Variants in EXOC4 observed in about 807,000 individuals in gnomAD.
EXOC4 encodes SEC8-like 1.
A neutral mutation model predicts 107.2 loss-of-function variants in EXOC4; 71 were observed. The ratio of observed to expected loss-of-function variants is 0.66; its 90% CI spans 0.55 to 0.81. The LOEUF (loss-of-function observed/expected upper bound fraction) is 0.81, where lower values mean the gene tolerates loss of function less well. Ranked by LOEUF, EXOC4 falls within the 30% of genes least tolerant of loss-of-function variation. EXOC4 has a pLI of 0.00. For synonymous variants in EXOC4, 456 were observed against 441.2 expected, an observed-to-expected ratio of 1.03 and a Z score of -0.42; for missense variants, 1,108 against 1,189.6, an observed-to-expected ratio of 0.93 and a Z score of 1.01.
chr7:133,319,461 C>T (rs971787754), intron 5 of EXOC4, among the ~76,000 whole-genome samples: 2 of 152,094 alleles, frequency 1.3e-5, no homozygotes, highest in Admixed American at 6.6e-5. Flanking sequence ...ATGGAGACTG[C>T]TTGTAGAGAT....
intron 9 of EXOC4, among the ~76,000 whole-genome samples, chr7:133,539,970 A>G (rs1348622302): frequency 6.6e-6 from 1 of 152,148 alleles, no homozygotes; most frequent in Non-Finnish European, 1.5e-5. Flanking sequence ...GAAATCTCAC[A>G]ATCCCTTCTT....
chr7:133,760,868 T>G (rs1417206893), intron 10 of EXOC4, among the ~76,000 whole-genome samples: 1 of 152,206 alleles, frequency 6.6e-6, no homozygotes, highest in Non-Finnish European at 1.5e-5. Flanking sequence ...AATGCTCTTA[T>G]TTCAAGCAAT....
chr7:133,348,752 A>G (rs1297408071), intron 5 of EXOC4, among the ~76,000 whole-genome samples: 1 of 152,178 alleles, frequency 6.6e-6, no homozygotes, highest in Admixed American at 6.5e-5. Flanking sequence ...TTCCTGAAGT[A>G]TCTAGCTTCT....
intron 9 of EXOC4, among the ~76,000 whole-genome samples, chr7:133,553,916 G>A (rs1199577355): frequency 6.6e-6 from 1 of 152,076 alleles, no homozygotes; most frequent in Non-Finnish European, 1.5e-5. Context: ...GTACTTTACC[G>A]ATCAGGGGAT....
At chr7:133,714,503 AT>A (rs1232873913) in intron 10 of EXOC4, among the ~76,000 whole-genome samples, 1 of 152,208 alleles carries the variant, frequency 6.6e-6, no homozygotes, top group East Asian at 1.9e-4. Flanking sequence ...TGTCTTTTCC[AT>A]TCATATTATA....
chr7:133,679,286 TC>T (rs1250532611), intron 10 of EXOC4, among the ~76,000 whole-genome samples: 1 of 152,248 alleles, frequency 6.6e-6, no homozygotes, highest in Non-Finnish European at 1.5e-5. Context: ...GGCCTTTTTT[TC>T]CCTTTCGCTA....
intron 6 of EXOC4, among the ~76,000 whole-genome samples, chr7:133,372,690 G>A (rs1796404365): frequency 6.6e-6 from 1 of 152,130 alleles, no homozygotes; most frequent in South Asian, 2.1e-4. Flanking sequence ...CCACTTTTCT[G>A]TTAAAACTTT....
chr7:133,568,958 T>A (rs192797671), intron 9 of EXOC4, among the ~76,000 whole-genome samples: 94 of 152,278 alleles, frequency 6.2e-4, no homozygotes, highest in Non-Finnish European at 1.1e-3. Context: ...GATTCACGTT[T>A]GTTAAGACTG....
chr7:133,466,469 C>T (rs557347825), intron 7 of EXOC4, among the ~76,000 whole-genome samples: 72 of 152,194 alleles, frequency 4.7e-4, no homozygotes, highest in African/African-American at 1.6e-3. Context: ...ATGAAACAGA[C>T]CAATTTCTAC....
At chr7:133,499,210 T>A (rs1252773756) in intron 9 of EXOC4, among the ~76,000 whole-genome samples, 1 of 152,150 alleles carries the variant, frequency 6.6e-6, no homozygotes, top group African/African-American at 2.4e-5. Flanking sequence ...GTAATTTAAT[T>A]ATTTGCTGTT....
At chr7:133,459,509 G>A (rs2150822023) in intron 7 of EXOC4, among the ~76,000 whole-genome samples, 1 of 152,332 alleles carries the variant, frequency 6.6e-6, no homozygotes, top group Non-Finnish European at 1.5e-5. Context: ...AGGCATGTGA[G>A]CTGTTCAGCC....
chr7:133,286,222 T>C (rs1794273800), intron 2 of EXOC4, among the ~76,000 whole-genome samples: 1 of 152,202 alleles, frequency 6.6e-6, no homozygotes, highest in Admixed American at 6.5e-5. Context: ...TTTTCCTGTT[T>C]GGAGATTTCC....
chr7:133,520,648 T>C (rs1799961590), intron 9 of EXOC4, among the ~76,000 whole-genome samples: 1 of 152,164 alleles, frequency 6.6e-6, no homozygotes, highest in Non-Finnish European at 1.5e-5. Context: ...ACATTGTTAG[T>C]TTATATGAAT....
chr7:133,818,673 T>C (rs905139559), intron 11 of EXOC4, among the ~76,000 whole-genome samples: 1 of 152,198 alleles, frequency 6.6e-6, no homozygotes, highest in Non-Finnish European at 1.5e-5. Context: ...AGGAACGTGC[T>C]TGCTCTTCCT....
At chr7:134,044,525 C>T (rs1795598834) in intron 17 of EXOC4, among the ~76,000 whole-genome samples, 1 of 152,182 alleles carries the variant, frequency 6.6e-6, no homozygotes, top group African/African-American at 2.4e-5. Context: ...TCTGTATCTG[C>T]TGAGATCACA....
At chr7:134,053,255 A>C (rs540758451) in intron 17 of EXOC4, among the ~76,000 whole-genome samples, 19 of 151,836 alleles carry the variant, frequency 1.3e-4, no homozygotes, top group Admixed American at 5.2e-4. Context: ...AAAAAAAAGA[A>C]GAAGAATTCA....
At chr7:133,823,879 T>A (rs1289803052) in intron 11 of EXOC4, among the ~76,000 whole-genome samples, 2 of 18,892 alleles carry the variant, frequency 1.1e-4, no homozygotes, top group Non-Finnish European at 1.6e-4. Flanking sequence ...ATATTATATA[T>A]ATATATATAT....
chr7:133,406,508 A>T (rs1024444260), intron 7 of EXOC4, among the ~76,000 whole-genome samples: 2 of 152,170 alleles, frequency 1.3e-5, no homozygotes, highest in Non-Finnish European at 2.9e-5. Context: ...GTATTTTTTT[A>T]AATTAGCAGT....
chr7:133,923,996 T>G (rs1216156278), intron 13 of EXOC4, among the ~76,000 whole-genome samples: 1 of 26,660 alleles, frequency 3.8e-5, no homozygotes, highest in Non-Finnish European at 6.6e-5. Flanking sequence ...AACTTGAGGG[T>G]TTTTTTTTCT....
Sources: gnomAD v4.1 joint callset for allele counts (sites outside exome capture counted in the v4.1 genomes callset) on GRCh38, gnomAD v4.1.1 for gene constraint, MANE v1.5 for transcripts, NCBI Gene and HGNC (gene_info 2026-07-23, HGNC 2026-07-21) for gene names.